MYL4: variants seen among roughly 807,000 people sequenced by gnomAD.
The protein encoded by MYL4 is myosin light chain 4.
A neutral mutation model predicts 21.6 loss-of-function variants in MYL4; 16 were observed. The ratio of observed to expected loss-of-function variants is 0.74; its 90% confidence interval spans 0.50 to 1.12. MYL4 has a LOEUF of 1.12. Ranked by LOEUF, MYL4 falls within the 50% of genes most tolerant of loss-of-function variation. The probability of loss-of-function intolerance (pLI) is 0.00; values close to 1 mark genes in which losing one functional copy is unlikely to be tolerated. For synonymous variants in MYL4, 82 were observed against 95.7 expected (o/e 0.86, Z 0.83); for missense variants, 249 against 252.9 (o/e 0.98, Z 0.11).
At chr17:47,199,941 A>G (rs1051175855), upstream of MYL4, among the ~76,000 whole-genome samples, 14 of 150,866 alleles carry the variant, frequency 9.3e-5, no homozygotes, top group Admixed American at 3.3e-4. Flanking sequence ...GGGTTTCGCC[A>G]TGTTACCCAG....
At chr17:47,223,691 T>A (rs2064874305), downstream of MYL4, 2 of 152,192 alleles carry the variant, frequency 1.3e-5, no homozygotes, top group Admixed American at 1.3e-4. Flanking sequence ...CAGTCTCTGT[T>A]TTGTTTGTTT....
At chr17:47,205,864 C>T (rs1164929745), upstream of MYL4, among the ~76,000 whole-genome samples, 4 of 152,204 alleles carry the variant, frequency 2.6e-5, no homozygotes, top group African/African-American at 9.7e-5. Context: ...TCCACCTCTT[C>T]CTCATTCCTA....
chr17:47,202,785 C>G (rs2064714355), intron 1 of MYL4, among the ~76,000 whole-genome samples: 1 of 151,986 alleles, frequency 6.6e-6, no homozygotes. Flanking sequence ...GTTTTTGTAG[C>G]CAATTTACAT....
the MYL4 span, chr17:47,189,524 G>A: frequency 1.0e-5 from 4 of 380,968 alleles, no homozygotes; most frequent in Non-Finnish European, 1.5e-5. Context: ...CGCCCAATCG[G>A]CCGTCCCAGG....
intron 1 of MYL4, among the ~76,000 whole-genome samples, chr17:47,201,755 C>T (rs755013168): frequency 3.3e-5 from 5 of 152,124 alleles, no homozygotes; most frequent in Non-Finnish European, 7.4e-5. Context: ...TGCACCTGGC[C>T]GGATTACTTA....
At chr17:47,214,355 T>G (rs2064798784) in intron 2 of MYL4, among the ~76,000 whole-genome samples, 1 of 152,174 alleles carries the variant, frequency 6.6e-6, no homozygotes, top group Non-Finnish European at 1.5e-5. Context: ...AGTCTGCCAA[T>G]ATGCTAACCC....
In MYL4 at chr17:47,219,057, C is replaced by A. The variant is rs555131432; in HGVS notation, c.164-847C>A. 8.5e-5 allele frequency among the ~76,000 whole-genome samples: 13 copies of A among 152,348 alleles called. No individual in the cohort carries two copies. In the South Asian group the frequency reaches 1.0e-3, roughly 12 times the overall value. On this transcript the variant is annotated intron_variant, in intron 2 of 6. Transcript: ENST00000393450. The stretch of plus-strand genomic sequence containing the variant: ...CAACCCACTCAAGTGATCATTGTAT[C>A]TCCACTTAGAGCTAGGAAAATGAGG...
At chr17:47,204,731 G>GA (rs11307481), upstream of MYL4, among the ~76,000 whole-genome samples, 103 of 141,418 alleles carry the variant, frequency 7.3e-4, no homozygotes, top group Middle Eastern at 3.6e-3. Context: ...ACCCTGTCTC[G>GA]AAAAAAAAAA....
intron 6 of MYL4, 36 bp downstream of exon 6, chr17:47,223,093 G>T: frequency 6.2e-7 from 1 of 1,607,448 alleles, no homozygotes; most frequent in Non-Finnish European, 8.5e-7. Flanking sequence ...CCCTTCCGGG[G>T]TCACATAGGG....
rs144870368 is a variant in MYL4, at chr17:47,219,907, T to C, written c.167T>C (p.Phe56Ser). The change falls in exon 3 of 7, where the codon TTC (phenylalanine) becomes TCC (serine). Residue 56 changes from phenylalanine to serine, a missense_variant. By Grantham distance (155) the Phe-to-Ser change is radical (BLOSUM62 -2). Coordinates refer to ENST00000393450, the MANE Select transcript of MYL4 (RefSeq NM_002476.2). ...IDFTADQIEE[F>S]KEAFSLFDRT... The stretch of plus-strand genomic sequence containing the variant: ...TAGCTGGGTCTTCTCTCCACAGAGT[T>C]CAAAGAGGCCTTTTCATTGTTTGAC... The C allele has an allele frequency of 2.7e-4, 432 of 1,614,204 alleles. No homozygotes were observed. In the African/African-American group the frequency reaches 5.3e-3, roughly 20 times the overall value.
chr17:47,204,668 G>T (rs2064720941), upstream of MYL4, among the ~76,000 whole-genome samples: 1 of 151,734 alleles, frequency 6.6e-6, no homozygotes, highest in African/African-American at 2.4e-5. Flanking sequence ...GGAAATGGAG[G>T]CTGCAATGAA....
chr17:47,227,573 C>T (rs1289217947), downstream of MYL4, among the ~76,000 whole-genome samples: 1 of 152,142 alleles, frequency 6.6e-6, no homozygotes, highest in African/African-American at 2.4e-5. Context: ...CACCCTAGGA[C>T]CGCAAGACCA....
In MYL4 at chr17:47,219,992, C is replaced by T. The variant is rs1598659253; in HGVS notation, c.252C>T (p.Ala84=). ...TYGQCGDVLR[A]LGQNPTNAEV... ...GCCAGTGCGGGGATGTACTGCGGGCCCTGGGCCAGAACCCTACCAATGCCG... is the reference window on the plus strand; with the variant it reads ...GCCAGTGCGGGGATGTACTGCGGGCTCTGGGCCAGAACCCTACCAATGCCG... The change falls in exon 3 of 7, where the codon GCC becomes GCT. Residue 84 remains alanine, a synonymous_variant. Transcript: ENST00000393450. 3 of 1,614,190 alleles carry T rather than the reference C, an allele frequency of 1.9e-6. No individual in the cohort carries two copies. Among genetic ancestry groups the T allele is most frequent in the East Asian group, 2.2e-5 (1 of 44,886 alleles).
At chr17:47,215,592 C>T (rs1039195750) in intron 2 of MYL4, among the ~76,000 whole-genome samples, 7 of 152,138 alleles carry the variant, frequency 4.6e-5, no homozygotes, top group Non-Finnish European at 8.8e-5. Flanking sequence ...CCATTATTGG[C>T]CATGAGACTT....
At chr17:47,223,175 G>C (rs979904228) in intron 6 of MYL4, 118 bp downstream of exon 6, 5 of 1,033,636 alleles carry the variant, frequency 4.8e-6, no homozygotes, top group Non-Finnish European at 2.9e-6. Context: ...AAACCTCTTG[G>C]GATCAGGAAG....
At chr17:47,216,105 T>C (rs76503231) in intron 2 of MYL4, among the ~76,000 whole-genome samples, 12,429 of 151,896 alleles carry the variant, frequency 0.082, 680 homozygotes, top group East Asian at 0.19. Flanking sequence ...TGCTTTTTTT[T>C]TTTTTCCCCC....
intron 1 of MYL4, among the ~76,000 whole-genome samples, chr17:47,211,113 CTT>C (rs1327924016): frequency 6.6e-6 from 1 of 152,104 alleles, no homozygotes; most frequent in East Asian, 1.9e-4. Flanking sequence ...TTGCAATCCT[CTT>C]TTCCATATCT....
Position 47,213,787 on chromosome 17 carries a change from C to T in MYL4, c.136-12C>T, listed in dbSNP as rs374508169. 3 of 1,613,974 alleles carry T rather than the reference C, an allele frequency of 1.9e-6. No homozygotes were observed. The African/African-American group carries it at 4.0e-5, about 22-fold the overall frequency. ...GCAATCCAAGCCCTCACTACTATTT[C>T]CCTCCCTACAGATAGACTTCACTGC... On this transcript the variant is annotated splice_polypyrimidine_tract_variant and intron_variant, in intron 1 of 6. Transcript: ENST00000393450.
At chr17:47,220,656 C>T (rs764117163) in intron 3 of MYL4, among the ~76,000 whole-genome samples, 1 of 152,142 alleles carries the variant, frequency 6.6e-6, no homozygotes, top group Non-Finnish European at 1.5e-5. Flanking sequence ...TTTTGTGGCT[C>T]CTAAGTGTGA....
Sources: gnomAD v4.1 joint callset for allele counts (sites outside exome capture counted in the v4.1 genomes callset) on GRCh38, gnomAD v4.1.1 for gene constraint, MANE v1.5 for transcripts, NCBI Gene and HGNC (gene_info 2026-07-23, HGNC 2026-07-21) for gene names.